GRHL2: variants seen among roughly 807,000 people sequenced by gnomAD.
GRHL2 encodes the protein grainyhead like transcription factor 2.
In GRHL2, 21 loss-of-function variants were observed where a neutral mutation model predicts 83.8. The ratio of observed to expected loss-of-function variants is 0.25; its 90% CI spans 0.18 to 0.36. The LOEUF is 0.36. GRHL2 is among the 10% of genes least tolerant of loss of function. The probability of loss-of-function intolerance (pLI) is 1.00; values close to 1 mark genes in which losing one functional copy is unlikely to be tolerated. For synonymous variants in GRHL2, 280 were observed against 278.9 expected, an observed-to-expected ratio of 1.00 and a Z score of -0.04; for missense variants, 623 against 781.8, an observed-to-expected ratio of 0.80 and a Z score of 2.42.
At chr8:101,565,064 G>A (rs983712794) in intron 4 of GRHL2, among the ~76,000 whole-genome samples, 8 of 152,124 alleles carry the variant, frequency 5.3e-5, no homozygotes, top group Admixed American at 3.9e-4. Flanking sequence ...TCTGTGCCAG[G>A]CACCATGGCT....
Position 101,577,447 on chromosome 8 carries a change from G to C in GRHL2, c.931G>C (p.Asp311His). ...MVVFSEDKNR[D>H]EQLKYWKYWH... ...GGTCTTCAGTGAAGACAAAAACAGA[G>C]ATGAACAGCTCAAATACTGGAAATA... The change falls in exon 7 of 16, where the codon GAT becomes CAT. Residue 311 changes from aspartate to histidine, a missense_variant. Asp to His is a moderately conservative substitution (Grantham distance 81). This residue lies in a region of GRHL2 where 96 missense variants were observed against 144.8 expected (regional missense o/e 0.66). Transcript: ENST00000646743. The C allele has an allele frequency of 6.2e-7, 1 of 1,614,068 alleles. No individual in the cohort carries two copies. The highest frequency in any genetic ancestry group is 1.1e-5 in the South Asian group (1 of 91,062).
intron 12 of GRHL2, among the ~76,000 whole-genome samples, chr8:101,642,994 A>G (rs1370671141): frequency 1.3e-5 from 2 of 152,178 alleles, no homozygotes; most frequent in African/African-American, 4.8e-5. Flanking sequence ...TAAGGCAGGG[A>G]TTTAAACCAA....
In GRHL2 at chr8:101,669,664, G is replaced by GTTATT. The variant is rs576107675; in HGVS notation, c.*2969_*2973dup. The GTTATT allele has an allele frequency of 6.7e-6, 1 of 149,850 alleles. No homozygotes were observed. The highest frequency in any genetic ancestry group is 6.7e-5 in the Admixed American group (1 of 14,836). The allele number at this position is 149,850 out of a possible 1,614,324, so 9.3% of individuals were successfully genotyped here. A position where few individuals can be genotyped will look rare whatever the true frequency, so the allele number is the denominator to read the frequency against. On this transcript the variant is annotated 3_prime_UTR_variant, in exon 16 of 16. Coordinates refer to ENST00000646743, the MANE Select transcript of GRHL2 (RefSeq NM_024915.4). ...GGGGAATCTATAAACTATAAATACA[G>GTTATT]TTATTTTATTTTTTGTACATTTTTA...
rs114008922 is a variant in GRHL2 at position 101,608,204 on chromosome 8, C to T, written c.1098+9053C>T. ...TTTAACTAATGAGGAATTTGAAGCCCAGAAAAGTTAACTAGCTTACCTGAG... is the reference window on the plus strand; with the variant it reads ...TTTAACTAATGAGGAATTTGAAGCCTAGAAAAGTTAACTAGCTTACCTGAG... On this transcript the variant is annotated intron_variant, in intron 8 of 15. Transcript: ENST00000646743. 5.5e-3 allele frequency among the ~76,000 whole-genome samples: 833 copies of T among 152,286 alleles called. 10 individuals carry two copies. Among genetic ancestry groups the T allele is most frequent in the African/African-American group, 0.018 (764 of 41,558 alleles).
chr8:101,653,949 C>T (rs1485091673), intron 14 of GRHL2, among the ~76,000 whole-genome samples: 1 of 152,190 alleles, frequency 6.6e-6, no homozygotes, highest in Non-Finnish European at 1.5e-5. Context: ...GTCCTACATG[C>T]ATTATTCACT....
In GRHL2 at chr8:101,587,121, T is replaced by G. The variant is rs1207926276; in HGVS notation, c.1003+9602T>G. On this transcript the variant is annotated intron_variant, in intron 7 of 15. Coordinates refer to ENST00000646743, the MANE Select transcript of GRHL2 (RefSeq NM_024915.4). ...AAATTTTTTAAAACAAGTAGGTAGA[T>G]GTGGAATTAAAACTTACAACGAATG... Among the ~76,000 whole-genome samples the G allele has an allele frequency of 2.6e-5, 4 of 152,352 alleles. No individual in the cohort carries two copies. In the East Asian group the frequency reaches 7.7e-4, roughly 29 times the overall value.
chr8:101,509,220 T>TTTCTCTCTCTTTCTTTCTTTCTTC (rs1810415555), intron 1 of GRHL2, among the ~76,000 whole-genome samples: 2 of 140,872 alleles, frequency 1.4e-5, no homozygotes, highest in Non-Finnish European at 3.1e-5. Flanking sequence ...TGTGTGTGTG[T>TTTCTCTCTCTTTCTTTCTTTCTTC]GTGTGTGTGT....
chr8:101,585,917 C>CTG (rs987744312), intron 7 of GRHL2, among the ~76,000 whole-genome samples: 1 of 152,074 alleles, frequency 6.6e-6, no homozygotes, highest in Admixed American at 6.5e-5. Flanking sequence ...ATCCCTTCCG[C>CTG]TGTGTGTGTG....
Position 101,543,229 on chromosome 8 carries a change from T to G in GRHL2, c.21-12T>G. 2 of 1,611,402 alleles carry G rather than the reference T, an allele frequency of 1.2e-6. No individual in the cohort carries two copies. Among genetic ancestry groups the G allele is most frequent in the South Asian group, 1.1e-5 (1 of 91,022 alleles). On this transcript the variant is annotated splice_polypyrimidine_tract_variant and intron_variant, in intron 1 of 15. Transcript: ENST00000646743. ...TCTGAAAATGAACCTCACATTTCTC[T>G]TGTTTTTACAGTAATAAAAGACTAG...
intron 14 of GRHL2, among the ~76,000 whole-genome samples, chr8:101,650,144 T>A (rs1458089458): frequency 1.3e-5 from 2 of 152,240 alleles, no homozygotes; most frequent in African/African-American, 4.8e-5. Context: ...TTTGTTTTTT[T>A]ATAGTGATAG....
chr8:101,636,828 G>T, intron 11 of GRHL2, 69 bp from the exon 12 acceptor site: 1 of 1,383,560 alleles, frequency 7.2e-7, no homozygotes, highest in East Asian at 2.3e-5. Context: ...AGGAAAGTCT[G>T]TACATCACGT....
chr8:101,647,733 A>ATTTTCT (rs3029404), intron 13 of GRHL2, among the ~76,000 whole-genome samples: 56,501 of 150,544 alleles, frequency 0.38, 11,977 homozygotes, highest in African/African-American at 0.57. Flanking sequence ...CCTGTTCATT[A>ATTTTCT]TTTTCTTTTT....
At chr8:101,653,625 C>A (rs1813718531) in intron 14 of GRHL2, among the ~76,000 whole-genome samples, 1 of 152,074 alleles carries the variant, frequency 6.6e-6, no homozygotes, top group African/African-American at 2.4e-5. Flanking sequence ...CGCTGTAGTC[C>A]CAGCCACTTA....
chr8:101,647,715 C>T (rs950819616), intron 13 of GRHL2, among the ~76,000 whole-genome samples: 2 of 151,394 alleles, frequency 1.3e-5, no homozygotes, highest in Admixed American at 1.3e-4. Context: ...AGAAGAGACT[C>T]GGCAATACCT....
At chr8:101,532,126 C>T (rs1810941210) in intron 1 of GRHL2, among the ~76,000 whole-genome samples, 1 of 152,154 alleles carries the variant, frequency 6.6e-6, no homozygotes, top group Non-Finnish European at 1.5e-5. Context: ...CTCTAGCAAG[C>T]ACTAAAAGGA....
chr8:101,638,315 C>A (rs984193790), intron 12 of GRHL2, among the ~76,000 whole-genome samples: 3 of 152,172 alleles, frequency 2.0e-5, no homozygotes, highest in African/African-American at 7.2e-5. Context: ...TCAGGCCCAC[C>A]GCCTATTTTA....
Position 101,558,404 on chromosome 8 carries a change from G to C in GRHL2, c.285-15G>C. ...TTTCTAATTCTATCATGTTGCGGGG[G>C]GTTTCAACACACAGAAACTGCCTTG... is the stretch of plus-strand genomic sequence containing the variant. On this transcript the variant is annotated splice_polypyrimidine_tract_variant and intron_variant, in intron 3 of 15. Transcript: ENST00000646743. 1.2e-6 allele frequency: 2 copies of C among 1,613,892 alleles called. No individual in the cohort carries two copies. Among genetic ancestry groups the C allele is most frequent in the Non-Finnish European group, 1.7e-6 (2 of 1,179,950 alleles).
intron 9 of GRHL2, among the ~76,000 whole-genome samples, chr8:101,631,187 T>C (rs1409835287): frequency 6.6e-6 from 1 of 152,158 alleles, no homozygotes; most frequent in African/African-American, 2.4e-5. Flanking sequence ...TTTTAAAGCT[T>C]AAAAGGAAAG....
At chr8:101,664,406 T>A (rs778831005) in intron 14 of GRHL2, 48 bp from the exon 15 acceptor site, 1 of 1,408,328 alleles carries the variant, frequency 7.1e-7, no homozygotes, top group Non-Finnish European at 1.0e-6. Context: ...TTGCCTCCAG[T>A]TGGGCGTCCT....
Sources: allele counts gnomAD v4.1 joint callset (sites outside exome capture counted in the v4.1 genomes callset), GRCh38; gene constraint gnomAD v4.1.1; regional missense constraint gnomAD v4.1.1; transcripts MANE v1.5; gene names NCBI Gene and HGNC (gene_info 2026-07-23, HGNC 2026-07-21).